Variants in AMY2B observed in about 807,000 individuals in gnomAD.
AMY2B encodes the protein alpha-amylase 2B.
Under a neutral mutation model 59.3 loss-of-function variants are expected in AMY2B, and 63 were observed. That is an observed-to-expected ratio of 1.06 (90% CI 0.87 to 1.31). The LOEUF is 1.31. AMY2B is among the 50% of genes most tolerant of loss of function. The pLI is 0.00. For synonymous variants in AMY2B, 180 were observed against 198.1 expected, an observed-to-expected ratio of 0.91 and a Z score of 0.77; for missense variants, 635 against 626.7, an observed-to-expected ratio of 1.01 and a Z score of -0.14.
intron 1 of AMY2B, among the ~76,000 whole-genome samples, chr1:103,563,980 G>A (rs563402231): frequency 9.9e-5 from 15 of 152,064 alleles, no homozygotes; most frequent in Admixed American, 4.6e-4. Flanking sequence ...GGGTAGAATG[G>A]GAAGACAGAA....
At chr1:103,569,629 A>AC, upstream of AMY2B, 1 of 396,196 alleles carries the variant, frequency 2.5e-6, no homozygotes, top group South Asian at 2.0e-5. Flanking sequence ...GGGGACGACA[A>AC]CCCCCAGCCA....
chr1:103,570,508 C>A (rs1428043360), upstream of AMY2B: 5 of 633,588 alleles, frequency 7.9e-6, no homozygotes, highest in East Asian at 7.9e-5. Context: ...ACCACCCGGG[C>A]ACCTAGCACC....
At chr1:103,575,582 C>A in intron 7 of AMY2B, 42 bp downstream of exon 7, 1 of 1,607,974 alleles carries the variant, frequency 6.2e-7, no homozygotes. Flanking sequence ...TCTCAAGAAA[C>A]AGAAGGCAAT....
chr1:103,557,141 T>TGCGC (rs755429064), intron 1 of AMY2B, among the ~76,000 whole-genome samples: 3 of 150,456 alleles, frequency 2.0e-5, no homozygotes, highest in Non-Finnish European at 2.9e-5. Context: ...TCTTAAAGCG[T>TGCGC]GCGCGCGCGC....
chr1:103,558,406 C>G (rs1391647347), intron 1 of AMY2B, among the ~76,000 whole-genome samples: 1 of 151,968 alleles, frequency 6.6e-6, no homozygotes, highest in Non-Finnish European at 1.5e-5. Context: ...TTTCATATTT[C>G]CATTAGGATG....
chr1:103,571,507 C>G, upstream of AMY2B: 1 of 1,577,294 alleles, frequency 6.3e-7, no homozygotes, highest in African/African-American at 1.4e-5. Flanking sequence ...AGTTTGCCCT[C>G]AAGTATTTAT....
intron 2 of AMY2B, 43 bp from the exon 3 acceptor site, chr1:103,573,020 G>A (rs768679631): frequency 2.6e-5 from 42 of 1,611,922 alleles, no homozygotes; most frequent in African/African-American, 4.0e-5. Context: ...TTAAATTTCT[G>A]CCTCTCTGTA....
chr1:103,570,237 T>C, upstream of AMY2B: 2 of 529,548 alleles, frequency 3.8e-6, no homozygotes, highest in Non-Finnish European at 7.5e-6. Flanking sequence ...AGATGGCCAC[T>C]GCCACATCCT....
upstream of AMY2B, chr1:103,570,488 GA>G: frequency 1.5e-6 from 1 of 665,720 alleles, no homozygotes. Flanking sequence ...ACAGGATGCA[GA>G]AGGAGATCAC....
Position 103,573,777 on chromosome 1 carries a change from G to T in AMY2B, c.583G>T (p.Ala195Ser), listed in dbSNP as rs780514402. The change falls in exon 4 of 10, where the codon GCC becomes TCC. Residue 195 changes from alanine (A) to serine (S), a missense_variant. Transcript: ENST00000684275. ...GAAAGATTATGTGCGTTCCAAGATT[G>T]CCGAATATATGAATCATCTCATTGA... Reference protein sequence around the residue: ...LEKDYVRSKIAEYMNHLIDIG... With the variant: ...LEKDYVRSKISEYMNHLIDIG... The T allele has an allele frequency of 6.2e-7, 1 of 1,613,800 alleles. No homozygotes were observed. The highest frequency in any genetic ancestry group is 2.2e-5 in the East Asian group (1 of 44,876).
upstream of AMY2B, chr1:103,570,184 G>A (rs191831804): frequency 1.0e-4 from 48 of 480,500 alleles, no homozygotes; most frequent in Middle Eastern, 3.7e-4. Context: ...CAGACACTAC[G>A]TCAAGGAGAA....
At chr1:103,569,396 T>TTGTG (rs58457409), upstream of AMY2B, 15,181 of 150,886 alleles carry the variant, frequency 0.1, 870 homozygotes, top group East Asian at 0.19. Context: ...TTATGTGGGT[T>TTGTG]TGTGTGTGTG....
chr1:103,575,135 A>G (rs111934447), intron 5 of AMY2B, 88 bp from the exon 6 acceptor site: 46 of 1,585,364 alleles, frequency 2.9e-5, no homozygotes, highest in African/African-American at 5.4e-5. Context: ...TTCAGATGCC[A>G]TGCCATGCAG....
At chr1:103,559,775 A>G (rs1651675540) in intron 1 of AMY2B, among the ~76,000 whole-genome samples, 1 of 152,188 alleles carries the variant, frequency 6.6e-6, no homozygotes, top group South Asian at 2.1e-4. Flanking sequence ...CTATTAGGCA[A>G]AAATCAGAGC....
intron 7 of AMY2B, 113 bp downstream of exon 7, chr1:103,575,653 C>G: frequency 2.0e-6 from 3 of 1,478,588 alleles, no homozygotes; most frequent in Non-Finnish European, 1.8e-6. Flanking sequence ...TGATTAGAAA[C>G]CTGATATAGG....
intron 3 of AMY2B, among the ~76,000 whole-genome samples, 186 bp from the exon 4 acceptor site, chr1:103,573,522 C>T (rs1336811608): frequency 2.0e-5 from 3 of 152,132 alleles, no homozygotes; most frequent in Non-Finnish European, 4.4e-5. Flanking sequence ...CCTAAATTCT[C>T]TATTTTCTAT....
intron 9 of AMY2B, 31 bp from the exon 10 acceptor site, chr1:103,579,280 T>C: frequency 1.1e-5 from 17 of 1,611,612 alleles, no homozygotes; most frequent in Non-Finnish European, 1.4e-5. Flanking sequence ...TTTCAGTGTA[T>C]TGAAGTTAAA....
chr1:103,560,322 A>T (rs1651694080), intron 1 of AMY2B, among the ~76,000 whole-genome samples: 1 of 152,158 alleles, frequency 6.6e-6, no homozygotes, highest in African/African-American at 2.4e-5. Context: ...AACATTTTTA[A>T]TTATAAATGT....
chr1:103,578,658 T>G (rs1296165770), intron 9 of AMY2B, among the ~76,000 whole-genome samples: 2 of 152,168 alleles, frequency 1.3e-5, no homozygotes, highest in African/African-American at 4.8e-5. Flanking sequence ...GTTCTTTAAT[T>G]TCTTTCTTTT....
Sources: gnomAD v4.1 joint callset for allele counts (sites outside exome capture counted in the v4.1 genomes callset) on GRCh38, gnomAD v4.1.1 for gene constraint, MANE v1.5 for transcripts, NCBI Gene and HGNC (gene_info 2026-07-23, HGNC 2026-07-21) for gene names.